The following PPTC7 variants were observed in gnomAD, a reference collection of about 807,000 sequenced individuals.
PPTC7 encodes protein phosphatase targeting COQ7.
PPTC7 carries 6 observed loss-of-function variants against 30.8 expected under a neutral mutation model. The observed-to-expected ratio is 0.19, with a 90% CI of 0.11 to 0.38. PPTC7 has a LOEUF of 0.38. PPTC7 is among the 10% of genes least tolerant of loss of function. The pLI is 1.00. For missense variants in PPTC7, 218 were observed against 404.8 expected, an observed-to-expected ratio of 0.54 and a Z score of 3.96; for synonymous variants, 163 against 168.1, an observed-to-expected ratio of 0.97 and a Z score of 0.23.
Position 110,546,024 on chromosome 12 carries a change from G to A in PPTC7, c.458C>T (p.Thr153Ile). 6.2e-7 allele frequency: 1 copy of A among 1,614,194 alleles called. No homozygotes were observed. Among genetic ancestry groups the A allele is most frequent in the Non-Finnish European group, 8.5e-7 (1 of 1,180,038 alleles). The change falls in exon 3 of 6, where the codon ACA (threonine) becomes ATA (isoleucine). Residue 153 changes from threonine to isoleucine, a missense_variant. By Grantham distance (89) the Thr-to-Ile change is moderately conservative. Coordinates refer to ENST00000354300, the MANE Select transcript of PPTC7 (RefSeq NM_139283.2). ...VLDRTSHRLH[T>I]ANLGDSGFLV... ...GAAGCCTGAATCGCCCAGGTTTGCT[G>A]TGTGTAAGCGGTGGCTGGTTCTGTC...
Position 110,551,282 on chromosome 12 carries a change from C to T in PPTC7, c.403+507G>A, listed in dbSNP as rs185788123. On this transcript the variant is annotated intron_variant, in intron 2 of 5. Coordinates refer to ENST00000354300, the MANE Select transcript of PPTC7 (RefSeq NM_139283.2). ...TCATATTTAATACCAAATTGTTTTC[C>T]GAAGTGGCTGTACCTATCCACATTC... Among the ~76,000 whole-genome samples the T allele has an allele frequency of 9.2e-5, 14 of 152,262 alleles. No individual in the cohort carries two copies. The East Asian group carries it at 9.6e-4, about 10-fold the overall frequency.
intron 1 of PPTC7, among the ~76,000 whole-genome samples, chr12:110,568,342 TC>T (rs1255366741): frequency 6.8e-6 from 1 of 147,772 alleles, no homozygotes; most frequent in African/African-American, 2.5e-5. Context: ...AAGCTCCGCC[TC>T]CCGGGTTCAC....
chr12:110,543,071 G>A (rs998653972), intron 3 of PPTC7, among the ~76,000 whole-genome samples: 3 of 152,174 alleles, frequency 2.0e-5, no homozygotes, highest in Non-Finnish European at 2.9e-5. Flanking sequence ...ATACCGACCC[G>A]GAAGGGAGGC....
intron 1 of PPTC7, among the ~76,000 whole-genome samples, chr12:110,572,318 C>T (rs2064543151): frequency 1.3e-5 from 2 of 152,110 alleles, no homozygotes; most frequent in South Asian, 4.1e-4. Context: ...GTGGCATGTG[C>T]CTGTAGTCCC....
In PPTC7 at chr12:110,534,694, A is replaced by G. The variant is rs1373559910; in HGVS notation, c.*2343T>C. ...AATCTATAGGCCAGATCCAAAGCCA[A>G]TTCCACTGTGAAACTCAATTCTTGC... On this transcript the variant is annotated 3_prime_UTR_variant, in exon 6 of 6. Coordinates refer to ENST00000354300, the MANE Select transcript of PPTC7 (RefSeq NM_139283.2). 1 of 152,214 alleles carries G rather than the reference A, an allele frequency of 6.6e-6. No homozygotes were observed. The highest frequency in any genetic ancestry group is 1.5e-5 in the Non-Finnish European group (1 of 68,040). The allele number at this position is 152,214 out of a possible 1,614,324, so 9.4% of individuals were successfully genotyped here.
At chr12:110,548,916 C>T (rs542664992) in intron 2 of PPTC7, among the ~76,000 whole-genome samples, 7 of 152,202 alleles carry the variant, frequency 4.6e-5, no homozygotes, top group African/African-American at 1.7e-4. Context: ...GCTCAGGCCC[C>T]AGCAGCCTAA....
chr12:110,546,250 C>G, intron 2 of PPTC7, 172 bp from the exon 3 acceptor site: 1 of 610,942 alleles, frequency 1.6e-6, no homozygotes, highest in Non-Finnish European at 2.9e-6. Flanking sequence ...AAATCCTGAT[C>G]AGGGTTAACA....
intron 1 of PPTC7, among the ~76,000 whole-genome samples, chr12:110,566,861 T>C (rs1276261282): frequency 1.3e-5 from 2 of 152,188 alleles, no homozygotes. Flanking sequence ...CTAATAAACA[T>C]ATATTTGTCT....
At chr12:110,548,996 G>C (rs890261226) in intron 2 of PPTC7, among the ~76,000 whole-genome samples, 1 of 152,178 alleles carries the variant, frequency 6.6e-6, no homozygotes, top group Non-Finnish European at 1.5e-5. Context: ...AGTAAGAAAA[G>C]CGGTGCTGAG....
chr12:110,565,833 T>C (rs1189353809), intron 1 of PPTC7, among the ~76,000 whole-genome samples: 1 of 152,078 alleles, frequency 6.6e-6, no homozygotes, highest in East Asian at 1.9e-4. Context: ...TATATGACTA[T>C]AATAAAGTAA....
intron 4 of PPTC7, among the ~76,000 whole-genome samples, chr12:110,539,053 G>A (rs960456780): frequency 6.6e-6 from 1 of 152,122 alleles, no homozygotes; most frequent in Non-Finnish European, 1.5e-5. Context: ...CACAGAGCAC[G>A]GTGCCTGTGA....
chr12:110,573,633 G>C (rs2064558633), intron 1 of PPTC7, among the ~76,000 whole-genome samples: 1 of 152,098 alleles, frequency 6.6e-6, no homozygotes, highest in Non-Finnish European at 1.5e-5. Flanking sequence ...TGTTTTATAT[G>C]GTACTTTTCT....
intron 5 of PPTC7, 139 bp from the exon 6 acceptor site, chr12:110,537,234 G>A: frequency 2.4e-4 from 112 of 460,948 alleles, no homozygotes; most frequent in South Asian, 1.3e-3. Context: ...GTAGAATAAA[G>A]AAAAAAATAT....
Position 110,534,623 on chromosome 12 carries a change from AAC to A in PPTC7, c.*2412_*2413del, listed in dbSNP as rs762881610. The A allele has an allele frequency of 3.3e-5, 5 of 152,168 alleles. No homozygotes were observed. Among genetic ancestry groups the A allele is most frequent in the Non-Finnish European group, 5.9e-5 (4 of 68,022 alleles). The allele number at this position is 152,168 out of a possible 1,614,324, so 9.4% of individuals were successfully genotyped here. ...CCGGCAGTCATAAAATTAAGTGCATAACACAAAAAGAACAGGGGAAAATAGAG... is the reference window on the plus strand; with the variant it reads ...CCGGCAGTCATAAAATTAAGTGCATAACAAAAAGAACAGGGGAAAATAGAG... On this transcript the variant is annotated 3_prime_UTR_variant, in exon 6 of 6. Transcript: ENST00000354300.
intron 1 of PPTC7, among the ~76,000 whole-genome samples, chr12:110,563,484 A>C (rs2064455611): frequency 6.6e-6 from 1 of 152,170 alleles, no homozygotes; most frequent in Admixed American, 6.5e-5. Flanking sequence ...GCGTGGTAGC[A>C]CATGCCTGTA....
chr12:110,555,187 AAAGT>A lies in PPTC7; in HGVS notation c.224-3223_224-3220del, dbSNP rs571387664. On this transcript the variant is annotated intron_variant, in intron 1 of 5. Coordinates refer to ENST00000354300, the MANE Select transcript of PPTC7 (RefSeq NM_139283.2). ...AAAAAGAAAGGGAACACATCGTGAA[AAAGT>A]AAGAGGAAACAGAATTGGAAGACAT... Among the ~76,000 whole-genome samples the A allele has an allele frequency of 8.0e-4, 122 of 152,350 alleles. No homozygotes were observed. The Middle Eastern group carries it at 0.027, about 34-fold the overall frequency.
At chr12:110,553,889 C>T (rs547137628) in intron 1 of PPTC7, among the ~76,000 whole-genome samples, 7 of 152,278 alleles carry the variant, frequency 4.6e-5, no homozygotes, top group South Asian at 2.1e-4. Context: ...GACAGAGTCT[C>T]GCTCTGTCGC....
chr12:110,535,658 A>C lies in PPTC7; in HGVS notation c.*1379T>G, dbSNP rs1385710644. ...TATACACCAATGTTACCTGACTTAT[A>C]TATAAAACATGGCTTTAATTTAAGG... On this transcript the variant is annotated 3_prime_UTR_variant, in exon 6 of 6. Coordinates refer to ENST00000354300, the MANE Select transcript of PPTC7 (RefSeq NM_139283.2). The C allele has an allele frequency of 6.6e-6, 1 of 152,578 alleles. No individual in the cohort carries two copies. Among genetic ancestry groups the C allele is most frequent in the Non-Finnish European group, 1.5e-5 (1 of 68,024 alleles). The allele number at this position is 152,578 out of a possible 1,614,324, so 9.5% of individuals were successfully genotyped here. A position where few individuals can be genotyped will look rare whatever the true frequency, so the allele number is the denominator to read the frequency against.
chr12:110,557,183 G>A (rs904982146), intron 1 of PPTC7, among the ~76,000 whole-genome samples: 1 of 152,192 alleles, frequency 6.6e-6, no homozygotes, highest in African/African-American at 2.4e-5. Context: ...AATCTCACTT[G>A]TTTGGATTGA....
Sources: allele counts gnomAD v4.1 joint callset (sites outside exome capture counted in the v4.1 genomes callset), GRCh38; gene constraint gnomAD v4.1.1; transcripts MANE v1.5; gene names NCBI Gene and HGNC (gene_info 2026-07-23, HGNC 2026-07-21).